Variants in CYP2C19 observed in about 807,000 individuals in gnomAD.
The protein encoded by CYP2C19 is cytochrome P450 2C19.
Under a neutral mutation model 40.9 loss-of-function variants are expected in CYP2C19, and 59 were observed. The ratio of observed to expected loss-of-function variants is 1.44; its 90% CI spans 1.17 to 1.79. The LOEUF is 1.79. Ranked by LOEUF, CYP2C19 falls within the 40% of genes most tolerant of loss-of-function variation. The pLI is 0.00. For missense variants in CYP2C19, 754 were observed against 596.9 expected, an observed-to-expected ratio of 1.26 and a Z score of -2.74; for synonymous variants, 253 against 208.7, an observed-to-expected ratio of 1.21 and a Z score of -1.83.
intron 6 of CYP2C19, among the ~76,000 whole-genome samples, chr10:94,826,522 T>C (rs898441808): frequency 6.6e-6 from 1 of 152,220 alleles, no homozygotes; most frequent in Non-Finnish European, 1.5e-5. Context: ...TCCTGAGACT[T>C]TGCTGAAGTT....
intron 5 of CYP2C19, among the ~76,000 whole-genome samples, chr10:94,801,923 G>T (rs1336573479): frequency 1.3e-5 from 2 of 152,156 alleles, no homozygotes; most frequent in Non-Finnish European, 2.9e-5. Context: ...TAAAGGTGTT[G>T]CAGACCAAAA....
chr10:94,850,627 A>G (rs1018407380), intron 8 of CYP2C19, among the ~76,000 whole-genome samples: 5 of 152,202 alleles, frequency 3.3e-5, no homozygotes, highest in Non-Finnish European at 5.9e-5. Context: ...GCTTCTTGTT[A>G]TCTTATAACC....
intron 5 of CYP2C19, among the ~76,000 whole-genome samples, chr10:94,801,629 C>G (rs1353591588): frequency 6.6e-6 from 1 of 152,122 alleles, no homozygotes; most frequent in Non-Finnish European, 1.5e-5. Context: ...GAGCTGTGTT[C>G]AAGTCCTGAA....
At chr10:94,852,534 A>T (rs1349481847) in intron 8 of CYP2C19, among the ~76,000 whole-genome samples, 199 bp from the exon 9 acceptor site, 2 of 152,186 alleles carry the variant, frequency 1.3e-5, no homozygotes, top group Admixed American at 1.3e-4. Flanking sequence ...TTGCCTATCC[A>T]TCCATTCATC....
intron 5 of CYP2C19, among the ~76,000 whole-genome samples, chr10:94,813,053 G>A (rs1030364971): frequency 7.9e-5 from 12 of 151,550 alleles, no homozygotes; most frequent in Non-Finnish European, 1.6e-4. Context: ...GGTTTTTTGC[G>A]TGGACATCCT....
intron 5 of CYP2C19, among the ~76,000 whole-genome samples, chr10:94,788,564 G>C (rs1208547935): frequency 6.6e-6 from 1 of 151,910 alleles, no homozygotes; most frequent in African/African-American, 2.4e-5. Flanking sequence ...TGTTCTCATT[G>C]TTCATTTCCC....
In CYP2C19 at chr10:94,852,992, A is replaced by T. The variant is rs531145534; in HGVS notation, c.*78A>T. The T allele has an allele frequency of 4.8e-6, 7 of 1,454,392 alleles. No homozygotes were observed. The highest frequency in any genetic ancestry group is 1.8e-4 in the Middle Eastern group (1 of 5,446). 90.1% of individuals were successfully genotyped at this position (1,454,392 alleles called of 1,614,324 possible). A position where few individuals can be genotyped will look rare whatever the true frequency, so the allele number is the denominator to read the frequency against. ...TCTGGTCCAAATTTCACTATCTGTG[A>T]TGCTTCTTCTGACCCGTCATCTCAC... On this transcript the variant is annotated 3_prime_UTR_variant, in exon 9 of 9. Coordinates refer to ENST00000371321, the MANE Select transcript of CYP2C19 (RefSeq NM_000769.4).
intron 5 of CYP2C19, among the ~76,000 whole-genome samples, chr10:94,790,830 C>T (rs1230760842): frequency 1.3e-5 from 2 of 152,026 alleles, no homozygotes; most frequent in Non-Finnish European, 2.9e-5. Flanking sequence ...CTAAAATTCT[C>T]TTTTTTTGTG....
chr10:94,798,810 C>T lies in CYP2C19; in HGVS notation c.819+16813C>T, dbSNP rs538513043. Among the ~76,000 whole-genome samples, 480 of 132,512 alleles carry T rather than the reference C, an allele frequency of 3.6e-3. 2 individuals are homozygous for T. The highest frequency in any genetic ancestry group is 0.012 in the African/African-American group (464 of 37,156). 86.9% of individuals were successfully genotyped at this position (132,512 alleles called of 152,430 possible). On this transcript the variant is annotated intron_variant, in intron 5 of 8. Transcript: ENST00000371321. ...TTTATCAAAGGGTAGGATTGCAACC[C>T]CTGATTTTTTTTTTTTTTTTTTTTT...
intron 1 of CYP2C19, among the ~76,000 whole-genome samples, chr10:94,766,597 A>G (rs1255406170): frequency 6.6e-6 from 1 of 152,106 alleles, no homozygotes; most frequent in East Asian, 1.9e-4. Context: ...AAAGATAAAG[A>G]TTATGTAGGT....
chr10:94,852,094 CTA>C (rs1458979032), intron 8 of CYP2C19, among the ~76,000 whole-genome samples: 1 of 152,084 alleles, frequency 6.6e-6, no homozygotes, highest in East Asian at 1.9e-4. Flanking sequence ...TGATGAGTGG[CTA>C]TGCCTAGAGT....
At chr10:94,839,144 C>G (rs1213291039) in intron 6 of CYP2C19, among the ~76,000 whole-genome samples, 1 of 152,208 alleles carries the variant, frequency 6.6e-6, no homozygotes, top group Non-Finnish European at 1.5e-5. Context: ...TGCATAACCA[C>G]CCATGGACCT....
chr10:94,842,769 C>A (rs955768969), intron 6 of CYP2C19, 68 bp from the exon 7 acceptor site: 1 of 1,492,072 alleles, frequency 6.7e-7, no homozygotes, highest in Non-Finnish European at 9.3e-7. Context: ...ATTCATGTAC[C>A]CCTGAATTGC....
At chr10:94,774,618 G>C (rs955629146) in intron 1 of CYP2C19, 2 of 180,852 alleles carry the variant, frequency 1.1e-5, no homozygotes, top group African/African-American at 4.8e-5. Context: ...CCAGGAAATT[G>C]TTAGTTCTTG....
At chr10:94,827,897 AT>A (rs1849256887) in intron 6 of CYP2C19, among the ~76,000 whole-genome samples, 1 of 151,618 alleles carries the variant, frequency 6.6e-6, no homozygotes, top group Non-Finnish European at 1.5e-5. Context: ...GAACATCTTT[AT>A]TTCTGCCTTC....
At chr10:94,841,051 G>A (rs112724104) in intron 6 of CYP2C19, among the ~76,000 whole-genome samples, 1 of 151,978 alleles carries the variant, frequency 6.6e-6, no homozygotes, top group Non-Finnish European at 1.5e-5. Flanking sequence ...AGATGGTGGT[G>A]ATCCACTTCC....
chr10:94,818,716 C>G (rs890025725), intron 5 of CYP2C19, among the ~76,000 whole-genome samples: 2 of 149,262 alleles, frequency 1.3e-5, no homozygotes, highest in African/African-American at 5.0e-5. Context: ...TATAAGAATG[C>G]TTGTGATTTT....
intron 3 of CYP2C19, among the ~76,000 whole-genome samples, chr10:94,777,036 GA>G (rs1387145108): frequency 6.6e-6 from 1 of 152,044 alleles, no homozygotes; most frequent in African/African-American, 2.4e-5. Flanking sequence ...AATAATGAGT[GA>G]ACTCCCATTC....
At chr10:94,811,584 A>C (rs1428825892) in intron 5 of CYP2C19, among the ~76,000 whole-genome samples, 1 of 152,066 alleles carries the variant, frequency 6.6e-6, no homozygotes, top group Non-Finnish European at 1.5e-5. Flanking sequence ...GTGTGTATCT[A>C]TTTAGGATAG....
Sources: allele counts gnomAD v4.1 joint callset (sites outside exome capture counted in the v4.1 genomes callset), GRCh38; gene constraint gnomAD v4.1.1; transcripts MANE v1.5; gene names NCBI Gene and HGNC (gene_info 2026-07-23, HGNC 2026-07-21).